The following ARHGAP26 variants were observed in gnomAD, a reference collection of about 807,000 sequenced individuals.
ARHGAP26 encodes the protein Rho GTPase activating protein 26.
Under a neutral mutation model 104.8 loss-of-function variants are expected in ARHGAP26, and 38 were observed. That is an observed-to-expected ratio of 0.36 (90% confidence interval 0.28 to 0.48). The LOEUF (loss-of-function observed/expected upper bound fraction) is 0.48, where lower values mean the gene tolerates loss of function less well. Among genes scored for constraint, ARHGAP26 ranks in the 20% least tolerant of loss-of-function variants. The probability of loss-of-function intolerance (pLI) is 0.99; values close to 1 mark genes in which losing one functional copy is unlikely to be tolerated. For synonymous variants in ARHGAP26, 341 were observed against 340.0 expected (o/e 1.00, Z -0.03); for missense variants, 704 against 947.9 (o/e 0.74, Z 3.38).
At chr5:142,978,966 G>A (rs190042701) in intron 11 of ARHGAP26, among the ~76,000 whole-genome samples, 24 of 152,216 alleles carry the variant, frequency 1.6e-4, no homozygotes, top group African/African-American at 4.8e-4. Flanking sequence ...GAAAAAGGAG[G>A]CGAAACTGTT....
At chr5:142,772,302 G>T (rs1755363199) in intron 1 of ARHGAP26, among the ~76,000 whole-genome samples, 1 of 152,248 alleles carries the variant, frequency 6.6e-6, no homozygotes, top group Non-Finnish European at 1.5e-5. Flanking sequence ...CTTAGGCTGT[G>T]CCTTACCTGA....
intron 1 of ARHGAP26, among the ~76,000 whole-genome samples, chr5:142,790,701 C>T (rs1759624240): frequency 6.6e-6 from 1 of 152,178 alleles, no homozygotes; most frequent in Non-Finnish European, 1.5e-5. Context: ...CCTCAGATTC[C>T]TCTGATGCTC....
chr5:143,208,221 C>T (rs538741544), intron 21 of ARHGAP26, among the ~76,000 whole-genome samples: 42 of 152,254 alleles, frequency 2.8e-4, no homozygotes, highest in Non-Finnish European at 4.4e-4. Context: ...GGGAAAAGAA[C>T]GAATAGGGAT....
rs1811426779 is a variant in ARHGAP26 at position 143,223,427 on chromosome 5, A to G, written c.*981A>G. ...CTTGAGATTAAATTACATAGTCTTAATATTTCTGTTCCTCCATGCAACTGA... is the reference window on the plus strand; with the variant it reads ...CTTGAGATTAAATTACATAGTCTTAGTATTTCTGTTCCTCCATGCAACTGA... On this transcript the variant is annotated 3_prime_UTR_variant, in exon 23 of 23. Coordinates refer to ENST00000645722, the MANE Select transcript of ARHGAP26 (RefSeq NM_001135608.3). The G allele has an allele frequency of 4.3e-6, 1 of 231,832 alleles. No homozygotes were observed. The highest frequency in any genetic ancestry group is 2.2e-5 in the African/African-American group (1 of 45,370). 14.4% of individuals were successfully genotyped at this position (231,832 alleles called of 1,614,324 possible). A position where few individuals can be genotyped will look rare whatever the true frequency, so the allele number is the denominator to read the frequency against.
rs189390465 is a variant in ARHGAP26 at position 143,224,735 on chromosome 5, C to G, written c.*2289C>G. On this transcript the variant is annotated 3_prime_UTR_variant, in exon 23 of 23. Transcript: ENST00000645722. ...TCTCAATGTGCTGCTGCTTTCCCTT[C>G]TCCTAAACATTTTAAAACTCTTCCC... 4.4e-6 allele frequency: 1 copy of G among 228,996 alleles called. No homozygotes were observed. The allele number at this position is 228,996 out of a possible 1,614,324, so 14.2% of individuals were successfully genotyped here. A position where few individuals can be genotyped will look rare whatever the true frequency, so the allele number is the denominator to read the frequency against.
chr5:142,814,767 G>A (rs1416911400), intron 1 of ARHGAP26, among the ~76,000 whole-genome samples: 2 of 152,156 alleles, frequency 1.3e-5, no homozygotes, highest in Non-Finnish European at 2.9e-5. Context: ...ACCTCTCTGG[G>A]CTTCAGTTTC....
At chr5:142,877,945 A>G (rs546024034) in intron 3 of ARHGAP26, among the ~76,000 whole-genome samples, 2 of 152,346 alleles carry the variant, frequency 1.3e-5, no homozygotes, top group South Asian at 2.1e-4. Context: ...GTAACATTGA[A>G]TAACAATAAA....
chr5:142,843,179 G>A (rs562151448), intron 1 of ARHGAP26, among the ~76,000 whole-genome samples: 32 of 152,216 alleles, frequency 2.1e-4, no homozygotes, highest in South Asian at 1.5e-3. Context: ...AGACCTTTTG[G>A]CACCTCAGAT....
chr5:143,148,539 T>G (rs1201056922), intron 20 of ARHGAP26, among the ~76,000 whole-genome samples: 3 of 152,224 alleles, frequency 2.0e-5, no homozygotes, highest in Admixed American at 2.0e-4. Context: ...GTTGGCAGCT[T>G]TAAATCATAC....
intron 6 of ARHGAP26, among the ~76,000 whole-genome samples, chr5:142,897,548 T>A (rs1382371591): frequency 6.6e-6 from 1 of 152,170 alleles, no homozygotes. Flanking sequence ...GACCTGAAAT[T>A]TAAGGGAGGG....
chr5:143,147,995 G>C (rs1235913165), intron 20 of ARHGAP26, among the ~76,000 whole-genome samples: 3 of 152,160 alleles, frequency 2.0e-5, no homozygotes, highest in Non-Finnish European at 4.4e-5. Flanking sequence ...ACAGAAACTA[G>C]GTCTACTCTG....
At chr5:143,222,287 CA>C in intron 22 of ARHGAP26, 70 bp from the exon 23 acceptor site, 6 of 1,031,952 alleles carry the variant, frequency 5.8e-6, no homozygotes, top group South Asian at 5.2e-5. Flanking sequence ...ACACACACCC[CA>C]CACACACATC....
intron 1 of ARHGAP26, chr5:142,867,744 C>T (rs911537717): frequency 1.3e-5 from 2 of 152,190 alleles, no homozygotes; most frequent in African/African-American, 4.8e-5. Context: ...TGGGACTCTT[C>T]CTCAATGGAC....
At chr5:142,982,146 A>G (rs538399954) in intron 11 of ARHGAP26, among the ~76,000 whole-genome samples, 20 of 152,274 alleles carry the variant, frequency 1.3e-4, no homozygotes, top group African/African-American at 4.3e-4. Context: ...GGTTTGATCT[A>G]AGTCCGTTTC....
intron 12 of ARHGAP26, 116 bp downstream of exon 12, chr5:143,014,232 G>T: frequency 1.7e-6 from 2 of 1,161,072 alleles, no homozygotes; most frequent in Non-Finnish European, 2.6e-6. Flanking sequence ...GTTGGCTCCA[G>T]TTCCCGAGTG....
intron 12 of ARHGAP26, among the ~76,000 whole-genome samples, chr5:143,034,101 A>AT (rs1445458487): frequency 6.6e-6 from 1 of 152,174 alleles, no homozygotes; most frequent in Non-Finnish European, 1.5e-5. Flanking sequence ...ACAATAACAA[A>AT]TGTTGGCAAG....
At chr5:142,902,618 C>T (rs1194973084) in intron 7 of ARHGAP26, among the ~76,000 whole-genome samples, 4 of 152,234 alleles carry the variant, frequency 2.6e-5, no homozygotes, top group African/African-American at 9.6e-5. Flanking sequence ...CTTGAGCCCC[C>T]TTCTTCACTG....
chr5:143,095,330 C>G (rs907928786), intron 17 of ARHGAP26, among the ~76,000 whole-genome samples: 1 of 152,060 alleles, frequency 6.6e-6, no homozygotes, highest in African/African-American at 2.4e-5. Context: ...TTTCATCACT[C>G]CCAAATGAAA....
Position 143,224,516 on chromosome 5 carries a change from G to A in ARHGAP26, c.*2070G>A. ...TAAATAAGTGGGGTCAGGCATTCGA[G>A]TTTTTGTCTTTCTTCTCAGGTGTAT... On this transcript the variant is annotated 3_prime_UTR_variant, in exon 23 of 23. Coordinates refer to ENST00000645722, the MANE Select transcript of ARHGAP26 (RefSeq NM_001135608.3). 1 of 230,880 alleles carries A rather than the reference G, an allele frequency of 4.3e-6. No homozygotes were observed. Among genetic ancestry groups the A allele is most frequent in the Non-Finnish European group, 8.6e-6 (1 of 116,528 alleles). 14.3% of individuals were successfully genotyped at this position (230,880 alleles called of 1,614,324 possible).
Sources: gnomAD v4.1 joint callset for allele counts (sites outside exome capture counted in the v4.1 genomes callset) on GRCh38, gnomAD v4.1.1 for gene constraint, MANE v1.5 for transcripts, NCBI Gene and HGNC (gene_info 2026-07-23, HGNC 2026-07-21) for gene names.